The following PDGFD variants were observed in gnomAD, a reference collection of about 807,000 sequenced individuals.
The protein encoded by PDGFD is platelet-derived growth factor D.
PDGFD carries 30 observed loss-of-function variants against 44.7 expected under a neutral mutation model. That is an observed-to-expected ratio of 0.67 (90% CI 0.50 to 0.91). The LOEUF (loss-of-function observed/expected upper bound fraction) is 0.91, where lower values mean the gene tolerates loss of function less well. Ranked by LOEUF, PDGFD falls within the 40% of genes least tolerant of loss-of-function variation. The probability of loss-of-function intolerance (pLI) is 0.00; values close to 1 mark genes in which losing one functional copy is unlikely to be tolerated. For missense variants in PDGFD, 445 were observed against 457.8 expected (o/e 0.97, Z 0.25); for synonymous variants, 173 against 168.4 (o/e 1.03, Z -0.21).
intron 1 of PDGFD, among the ~76,000 whole-genome samples, chr11:104,009,021 T>C (rs1859743357): frequency 6.6e-6 from 1 of 152,150 alleles, no homozygotes. Context: ...AAATTCATAT[T>C]AATGTAGCCA....
At chr11:103,943,748 G>T in intron 4 of PDGFD, 98 bp from the exon 5 acceptor site, 3 of 987,510 alleles carry the variant, frequency 3.0e-6, no homozygotes, top group Non-Finnish European at 4.6e-6. Flanking sequence ...ACAGGCTTCT[G>T]AGTATAAGAC....
At chr11:103,990,673 T>G (rs1859436148) in intron 3 of PDGFD, among the ~76,000 whole-genome samples, 1 of 152,120 alleles carries the variant, frequency 6.6e-6, no homozygotes, top group Admixed American at 6.6e-5. Context: ...GTGGGATATA[T>G]TTGAGGGAAA....
At chr11:103,949,011 T>A (rs942837659) in intron 3 of PDGFD, among the ~76,000 whole-genome samples, 7 of 123,664 alleles carry the variant, frequency 5.7e-5, no homozygotes, top group Non-Finnish European at 1.1e-4. Flanking sequence ...TTTTTTTTTT[T>A]TTTTTTTTTG....
intron 1 of PDGFD, among the ~76,000 whole-genome samples, chr11:104,131,816 AAAAAAAAAAAAG>A (rs200235177): frequency 0.097 from 14,476 of 149,224 alleles, 864 homozygotes; most frequent in East Asian, 0.28. Flanking sequence ...AAAAAAAAAA[AAAAAAAAAAAAG>A]GGGATGCTTG....
In PDGFD at chr11:104,006,603, C is replaced by CATA. The variant is rs541395579; in HGVS notation, c.125-6351_125-6349dup. On this transcript the variant is annotated intron_variant, in intron 1 of 6. Coordinates refer to ENST00000393158, the MANE Select transcript of PDGFD (RefSeq NM_025208.5). The stretch of plus-strand genomic sequence containing the variant: ...CTGCCATGCCACCCTATCCTGTACC[C>CATA]ATAATAACTCCAGACCCCAGGCTCC... 4.8e-3 allele frequency among the ~76,000 whole-genome samples: 731 copies of CATA among 152,276 alleles called. 6 individuals are homozygous for CATA. Among genetic ancestry groups the CATA allele is most frequent in the Non-Finnish European group, 6.6e-3 (452 of 68,030 alleles).
At chr11:103,946,728 C>A (rs1390280861) in intron 4 of PDGFD, among the ~76,000 whole-genome samples, 1 of 152,174 alleles carries the variant, frequency 6.6e-6, no homozygotes, top group South Asian at 2.1e-4. Flanking sequence ...CTGTTGAAAG[C>A]ACACAAAACA....
At chr11:103,952,346 C>T (rs918667424) in intron 3 of PDGFD, among the ~76,000 whole-genome samples, 1 of 152,192 alleles carries the variant, frequency 6.6e-6, no homozygotes, top group African/African-American at 2.4e-5. Context: ...CAAGCAATGT[C>T]TTATTATTCT....
chr11:103,928,873 T>G (rs1474572153), intron 5 of PDGFD, among the ~76,000 whole-genome samples: 1 of 152,218 alleles, frequency 6.6e-6, no homozygotes, highest in Non-Finnish European at 1.5e-5. Flanking sequence ...GCAGCAATCA[T>G]CCATTACAAG....
chr11:103,970,232 A>G (rs1010377249), intron 3 of PDGFD, among the ~76,000 whole-genome samples: 2 of 152,110 alleles, frequency 1.3e-5, no homozygotes, highest in African/African-American at 4.8e-5. Context: ...AATTCTCTAA[A>G]TATCAATAAT....
rs145588814 is a variant in PDGFD at position 103,922,879 on chromosome 11, C to T, written c.987+4033G>A. The stretch of plus-strand genomic sequence containing the variant: ...ACAGGCATGAGCCACTGCTCCTGGC[C>T]TAAGAATCCTTATCTCCAAAGACAA... On this transcript the variant is annotated intron_variant, in intron 6 of 6. Coordinates refer to ENST00000393158, the MANE Select transcript of PDGFD (RefSeq NM_025208.5). 1.5e-3 allele frequency among the ~76,000 whole-genome samples: 225 copies of T among 152,172 alleles called. 1 individual carries two copies. The highest frequency in any genetic ancestry group is 5.1e-3 in the African/African-American group (210 of 41,508).
chr11:103,958,143 C>G (rs776493697), intron 3 of PDGFD, among the ~76,000 whole-genome samples: 10 of 151,982 alleles, frequency 6.6e-5, no homozygotes, highest in Non-Finnish European at 1.5e-4. Flanking sequence ...GAAATACTTT[C>G]CATAAATTAT....
At chr11:104,038,204 T>C in intron 1 of PDGFD, 1 of 612,022 alleles carries the variant, frequency 1.6e-6, no homozygotes, top group Non-Finnish European at 2.8e-6. Context: ...CCATTTCCCT[T>C]GTCCAGAGAT....
intron 1 of PDGFD, chr11:104,039,219 T>A (rs1245706029): frequency 1.2e-5 from 2 of 166,640 alleles, no homozygotes; most frequent in Non-Finnish European, 2.9e-5. Flanking sequence ...TTGATTACAC[T>A]TAATTACTTA....
Position 104,012,775 on chromosome 11 carries a change from G to A in PDGFD, c.125-12520C>T, listed in dbSNP as rs79456670. Among the ~76,000 whole-genome samples the A allele has an allele frequency of 1.3e-3, 201 of 152,286 alleles. 8 individuals are homozygous for A. The East Asian group carries it at 0.027, about 20-fold the overall frequency. ...GCTCCACTTCATGTTTTCTCACTCC[G>A]AAATCTGGGAAAATGAACTTTTAGT... On this transcript the variant is annotated intron_variant, in intron 1 of 6. Transcript: ENST00000393158.
At chr11:103,976,143 C>T (rs1364258008) in intron 3 of PDGFD, among the ~76,000 whole-genome samples, 1 of 152,014 alleles carries the variant, frequency 6.6e-6, no homozygotes. Context: ...GAATGTTTTT[C>T]CATCTGTTTG....
chr11:104,014,978 T>C (rs1859839253), intron 1 of PDGFD, among the ~76,000 whole-genome samples: 1 of 152,204 alleles, frequency 6.6e-6, no homozygotes, highest in African/African-American at 2.4e-5. Flanking sequence ...CATGCTTTCA[T>C]CCTAAGTATG....
At chr11:104,049,589 A>C (rs140650896) in intron 1 of PDGFD, among the ~76,000 whole-genome samples, 1 of 152,216 alleles carries the variant, frequency 6.6e-6, no homozygotes, top group Non-Finnish European at 1.5e-5. Flanking sequence ...TTAAAAATAG[A>C]AGGGCTAAGA....
chr11:103,994,881 CT>C (rs35702032), intron 3 of PDGFD, among the ~76,000 whole-genome samples: 40,850 of 136,272 alleles, frequency 0.3, 6,604 homozygotes, highest in Admixed American at 0.47. Flanking sequence ...GTTGCTATTC[CT>C]TTTTTTTTTT....
At chr11:103,970,134 ATTT>A (rs1447209601) in intron 3 of PDGFD, among the ~76,000 whole-genome samples, 2 of 152,062 alleles carry the variant, frequency 1.3e-5, no homozygotes, top group East Asian at 3.9e-4. Context: ...TTAGTGGAGT[ATTT>A]TAGACATCCT....
Sources: allele counts gnomAD v4.1 joint callset (sites outside exome capture counted in the v4.1 genomes callset), GRCh38; gene constraint gnomAD v4.1.1; transcripts MANE v1.5; gene names NCBI Gene and HGNC (gene_info 2026-07-23, HGNC 2026-07-21).